Variants in CST3 observed in about 807,000 individuals in gnomAD.
CST3 encodes the protein cystatin-C.
Under a neutral mutation model 9.0 loss-of-function variants are expected in CST3, and 14 were observed. That is an observed-to-expected ratio of 1.56 (90% CI 1.03 to 2.44). The LOEUF (loss-of-function observed/expected upper bound fraction) is 2.44, where lower values mean the gene tolerates loss of function less well. Among genes scored for constraint, CST3 ranks in the 30% most tolerant of loss-of-function variants. The pLI is 0.00. For synonymous variants in CST3, 96 were observed against 90.2 expected (o/e 1.06, Z -0.37); for missense variants, 237 against 204.3 (o/e 1.16, Z -0.98).
rs373177867 is a variant in CST3, at chr20:23,637,663, A to C, written c.200T>G (p.Met67Arg). 1.2e-5 allele frequency: 19 copies of C among 1,535,014 alleles called. No individual in the cohort carries two copies. The highest frequency in any genetic ancestry group is 2.8e-5 in the African/African-American group (2 of 70,382). ...VGEYNKASND[M>R]YHSRALQVVR... ...CACCTGCAGCGCGCGGCTGTGGTAC[A>C]TGTCGTTGCTGGCTTTGTTGTACTC... is the stretch of plus-strand genomic sequence containing the variant. Residue 67 changes from methionine (M) to arginine (R), a missense_variant, in exon 1 of 3, where the codon ATG (methionine) becomes AGG (arginine). Transcript: ENST00000376925.
rs749239566 is a variant in CST3, at chr20:23,635,320, G to C, written c.291C>G (p.Thr97=). Residue 97 remains threonine (T), a synonymous_variant, in exon 2 of 3, where the codon ACC becomes ACG. Coordinates refer to ENST00000376925, the MANE Select transcript of CST3 (RefSeq NM_000099.4). Reference sequence around the variant, plus strand: ...AGTTGGGCTGGGTCTTGGTACACGTGGTTCGGCCCAGCTCCACGTCCAAGA... The same window carrying C: ...AGTTGGGCTGGGTCTTGGTACACGTCGTTCGGCCCAGCTCCACGTCCAAGA... The part of the protein sequence containing the change: ...NYFLDVELGR[T]TCTKTQPNLD... 4 of 1,613,850 alleles carry C rather than the reference G, an allele frequency of 2.5e-6. No homozygotes were observed. In the South Asian group the frequency reaches 4.4e-5, roughly 18 times the overall value.
rs1049203215 is a variant in CST3 at position 23,633,811 on chromosome 20, G to C, written c.*105C>G. 17 of 967,658 alleles carry C rather than the reference G, an allele frequency of 1.8e-5. No homozygotes were observed. Among genetic ancestry groups the C allele is most frequent in the Middle Eastern group, 2.9e-4 (1 of 3,468 alleles). 59.9% of individuals were successfully genotyped at this position (967,658 alleles called of 1,614,324 possible). On this transcript the variant is annotated 3_prime_UTR_variant, in exon 3 of 3. Transcript: ENST00000376925. ...GTCTGTCTCCTGGTGCAGGCACATG[G>C]GGAGACCTTCCCCAAGGCAGGGGCC... is the stretch of plus-strand genomic sequence containing the variant.
exon 4 of CST3, chr20:23,626,829 G>A (rs544462059): frequency 6.6e-6 from 1 of 152,310 alleles, no homozygotes; most frequent in Non-Finnish European, 1.5e-5. Context: ...GACGATGGGG[G>A]TTGGGTGGTA....
exon 4 of CST3, chr20:23,626,734 T>C (rs1979271312): frequency 6.6e-6 from 1 of 152,218 alleles, no homozygotes; most frequent in African/African-American, 2.4e-5. Flanking sequence ...AATTTTATTG[T>C]GGGCTGTGAT....
chr20:23,635,580 T>C (rs985784400), intron 1 of CST3, among the ~76,000 whole-genome samples: 37 of 152,194 alleles, frequency 2.4e-4, no homozygotes, highest in African/African-American at 7.7e-4. Context: ...GTAACTTGTT[T>C]CTCTATGCCA....
At chr20:23,637,412 C>T (rs1008071266) in intron 1 of CST3, among the ~76,000 whole-genome samples, 1 of 152,186 alleles carries the variant, frequency 6.6e-6, no homozygotes, top group African/African-American at 2.4e-5. Flanking sequence ...GCGGACCTGA[C>T]GTGTCCGTGC....
chr20:23,633,297 C>T (rs1455017534), downstream of CST3, among the ~76,000 whole-genome samples: 1 of 152,132 alleles, frequency 6.6e-6, no homozygotes, highest in Non-Finnish European at 1.5e-5. Flanking sequence ...CTGGCGAGCT[C>T]CACCGAGGCC....
chr20:23,637,491 A>G, intron 1 of CST3, 129 bp downstream of exon 1: 6 of 937,354 alleles, frequency 6.4e-6, no homozygotes, highest in Non-Finnish European at 8.8e-6. Flanking sequence ...GTGACAGCGA[A>G]GACCGGGAAC....
At chr20:23,635,575 TTG>T (rs1380485336) in intron 1 of CST3, among the ~76,000 whole-genome samples, 2 of 152,226 alleles carry the variant, frequency 1.3e-5, no homozygotes, top group Non-Finnish European at 2.9e-5. Flanking sequence ...CCCCGGTAAC[TTG>T]TTTCTCTATG....
At position 23,637,745 on chromosome 20, in the gene CST3, T is replaced by C; in HGVS notation, c.118A>G (p.Met40Val). Residue 40 changes from methionine to valine, a missense_variant, in exon 1 of 3, where the codon ATG (methionine) becomes GTG (valine). By Grantham distance (21) the Met-to-Val change is conservative. Transcript: ENST00000376925. ...GKPPRLVGGP[M>V]DASVEEEGVR... The stretch of plus-strand genomic sequence containing the variant: ...CCCTCCTCCTCCACGCTGGCGTCCA[T>C]GGGGCCTCCCACTAGGCGCGGCGGC... 6.5e-7 allele frequency: 1 copy of C among 1,538,852 alleles called. No individual in the cohort carries two copies. Among genetic ancestry groups the C allele is most frequent in the South Asian group, 1.2e-5 (1 of 82,582 alleles).
chr20:23,629,510 T>C (rs759447452), downstream of CST3: 1 of 152,232 alleles, frequency 6.6e-6, no homozygotes, highest in Admixed American at 6.5e-5. Flanking sequence ...ACTGTTGCTA[T>C]TAGTGATCTC....
At chr20:23,632,427 C>G (rs1459923581), downstream of CST3, 1 of 152,468 alleles carries the variant, frequency 6.6e-6, no homozygotes, top group African/African-American at 2.4e-5. Context: ...GACCACCCAC[C>G]CCCAGCAGGG....
chr20:23,637,726 T>G lies in CST3; in HGVS notation c.137A>C (p.Glu46Ala). ...GTCCAGTGCACGCCGCACACCCTCCTCCTCCACGCTGGCGTCCATGGGGCC... is the reference window on the plus strand; with the variant it reads ...GTCCAGTGCACGCCGCACACCCTCCGCCTCCACGCTGGCGTCCATGGGGCC... ...VGGPMDASVEEEGVRRALDFA... is the reference protein window; with the variant it reads ...VGGPMDASVEAEGVRRALDFA... The change falls in exon 1 of 3, where the codon GAG (glutamate) becomes GCG (alanine). Residue 46 changes from glutamate to alanine, a missense_variant. Coordinates refer to ENST00000376925, the MANE Select transcript of CST3 (RefSeq NM_000099.4). 6.5e-7 allele frequency: 1 copy of G among 1,542,778 alleles called. No individual in the cohort carries two copies. Among genetic ancestry groups the G allele is most frequent in the Non-Finnish European group, 8.7e-7 (1 of 1,145,308 alleles).
chr20:23,627,939 G>A (rs533799274), exon 4 of CST3: 1 of 152,024 alleles, frequency 6.6e-6, no homozygotes, highest in Non-Finnish European at 1.5e-5. Context: ...TTTTTAAAAA[G>A]AATTTTTAAT....
rs76720836 is a variant in CST3, at chr20:23,637,417, C to T, written c.243+203G>A. On this transcript the variant is annotated intron_variant, in intron 1 of 2. Coordinates refer to ENST00000376925, the MANE Select transcript of CST3 (RefSeq NM_000099.4). ...GGCGCCGGGCGCGGACCTGACGTGT[C>T]CGTGCGGTTCCAGGCCAGGCCAGAC... Among the ~76,000 whole-genome samples the T allele has an allele frequency of 8.5e-4, 129 of 152,322 alleles. 4 individuals are homozygous for T. In the East Asian group the frequency reaches 0.015, roughly 18 times the overall value.
intron 2 of CST3, 44 bp downstream of exon 2, chr20:23,635,210 C>CT: frequency 6.8e-7 from 1 of 1,477,916 alleles, no homozygotes; most frequent in Non-Finnish European, 9.4e-7. Context: ...ACACACACCC[C>CT]TCTGCAGTGT....
At chr20:23,631,226 T>C (rs1979440984), downstream of CST3, among the ~76,000 whole-genome samples, 1 of 152,070 alleles carries the variant, frequency 6.6e-6, no homozygotes, top group African/African-American at 2.4e-5. Flanking sequence ...AGGACTGAGA[T>C]CCTGAAACTG....
In CST3 at chr20:23,637,877, C is replaced by T; in HGVS notation, c.-15G>A. 7.7e-7 allele frequency: 1 copy of T among 1,301,688 alleles called. No individual in the cohort carries two copies. Among genetic ancestry groups the T allele is most frequent in the Non-Finnish European group, 9.7e-7 (1 of 1,027,588 alleles). 80.6% of individuals were successfully genotyped at this position (1,301,688 alleles called of 1,614,324 possible). On this transcript the variant is annotated 5_prime_UTR_variant, in exon 1 of 3. Coordinates refer to ENST00000376925, the MANE Select transcript of CST3 (RefSeq NM_000099.4). ...GGCCCGGCCATGGTCGGCTAGGACG[C>T]GGGACGCGGGGAGTGGGGCGCAGGC...
intron 1 of CST3, 80 bp downstream of exon 1, chr20:23,637,540 G>C: frequency 7.5e-7 from 1 of 1,325,560 alleles, no homozygotes; most frequent in South Asian, 1.7e-5. Flanking sequence ...GAGAGGAGCA[G>C]CACGGGGTCC....
Sources: gnomAD v4.1 joint callset for allele counts (sites outside exome capture counted in the v4.1 genomes callset) on GRCh38, gnomAD v4.1.1 for gene constraint, MANE v1.5 for transcripts, NCBI Gene and HGNC (gene_info 2026-07-23, HGNC 2026-07-21) for gene names.